Variants in LITAF observed in about 807,000 individuals in gnomAD.
The protein encoded by LITAF is lipopolysaccharide induced TNF factor.
Under a neutral mutation model 14.5 loss-of-function variants are expected in LITAF, and 9 were observed. That is an observed-to-expected ratio of 0.62 (90% confidence interval 0.37 to 1.08). The LOEUF (loss-of-function observed/expected upper bound fraction) is 1.08, where lower values mean the gene tolerates loss of function less well. LITAF is among the 50% of genes least tolerant of loss of function. The pLI is 0.01. For synonymous variants in LITAF, 98 were observed against 88.2 expected, an observed-to-expected ratio of 1.11 and a Z score of -0.62; for missense variants, 206 against 213.4, an observed-to-expected ratio of 0.97 and a Z score of 0.22.
intron 3 of LITAF, among the ~76,000 whole-genome samples, chr16:11,616,304 T>A (rs2065019381): frequency 6.6e-6 from 1 of 151,942 alleles, no homozygotes; most frequent in Admixed American, 6.6e-5. Context: ...CAAGACCCCA[T>A]CTCTAAAAAA....
chr16:11,594,378 A>C (rs2064868580), intron 1 of LITAF, among the ~76,000 whole-genome samples: 1 of 152,142 alleles, frequency 6.6e-6, no homozygotes, highest in African/African-American at 2.4e-5. Flanking sequence ...ATGGTTTTAT[A>C]GGACATCTGC....
In LITAF at chr16:11,547,735, A is replaced by G; in HGVS notation, c.*1902T>C. ...GAATGGGGACAGTTCTCTTTTGTGCATTTTATTAAAACTTGAAAGCTATGG... is the reference window on the plus strand; with the variant it reads ...GAATGGGGACAGTTCTCTTTTGTGCGTTTTATTAAAACTTGAAAGCTATGG... On this transcript the variant is annotated 3_prime_UTR_variant, in exon 4 of 4. Coordinates refer to ENST00000622633, the MANE Select transcript of LITAF (RefSeq NM_001136472.2). 2.2e-6 allele frequency: 1 copy of G among 451,066 alleles called. No individual in the cohort carries two copies. Among genetic ancestry groups the G allele is most frequent in the Non-Finnish European group, 4.4e-6 (1 of 224,862 alleles). 27.9% of individuals were successfully genotyped at this position (451,066 alleles called of 1,614,324 possible).
At chr16:11,584,856 C>T (rs1454273658) in intron 1 of LITAF, among the ~76,000 whole-genome samples, 2 of 152,108 alleles carry the variant, frequency 1.3e-5, no homozygotes, top group African/African-American at 2.4e-5. Flanking sequence ...ACGGAAGTAA[C>T]AAAGGGAAAT....
At chr16:11,570,143 G>A (rs1259705947) in intron 1 of LITAF, among the ~76,000 whole-genome samples, 1 of 151,692 alleles carries the variant, frequency 6.6e-6, no homozygotes, top group Non-Finnish European at 1.5e-5. Context: ...CACTTCTACG[G>A]TGTGCAAATG....
At chr16:11,581,904 A>C (rs1181601751) in intron 1 of LITAF, among the ~76,000 whole-genome samples, 1 of 152,140 alleles carries the variant, frequency 6.6e-6, no homozygotes, top group Non-Finnish European at 1.5e-5. Context: ...ACAGAAGTAG[A>C]GAAAAGAACT....
At chr16:11,624,833 C>G (rs1174717761) in intron 3 of LITAF, among the ~76,000 whole-genome samples, 1 of 152,096 alleles carries the variant, frequency 6.6e-6, no homozygotes, top group Non-Finnish European at 1.5e-5. Context: ...TTGCTTTGAC[C>G]AATAGAATAT....
At chr16:11,635,349 C>A (rs894142403) in intron 2 of LITAF, among the ~76,000 whole-genome samples, 2 of 152,240 alleles carry the variant, frequency 1.3e-5, no homozygotes, top group African/African-American at 4.8e-5. Context: ...AACCAGCCCT[C>A]CAGCCAGAGC....
chr16:11,552,301 T>C (rs975486274), intron 3 of LITAF, among the ~76,000 whole-genome samples: 18 of 152,166 alleles, frequency 1.2e-4, no homozygotes, highest in African/African-American at 4.3e-4. Context: ...AAAAAATTGA[T>C]TGTGTTTCCT....
intron 3 of LITAF, among the ~76,000 whole-genome samples, chr16:11,615,304 A>G (rs1597372124): frequency 6.6e-6 from 1 of 152,344 alleles, no homozygotes; most frequent in Middle Eastern, 3.4e-3. Flanking sequence ...TGGGAGGCTG[A>G]GGCAGGTGGA....
At chr16:11,584,679 G>A (rs2141838013) in intron 1 of LITAF, among the ~76,000 whole-genome samples, 1 of 152,182 alleles carries the variant, frequency 6.6e-6, no homozygotes, top group East Asian at 1.9e-4. Context: ...CTGTTCTCAA[G>A]CCCTTTCTGG....
chr16:11,555,973 A>G (rs1176041703), intron 2 of LITAF, among the ~76,000 whole-genome samples: 1 of 152,196 alleles, frequency 6.6e-6, no homozygotes, highest in Admixed American at 6.5e-5. Context: ...TTCTTTCAGA[A>G]CTACCTGTGA....
chr16:11,592,964 A>T (rs1373904817), intron 1 of LITAF, among the ~76,000 whole-genome samples: 1 of 152,034 alleles, frequency 6.6e-6, no homozygotes, highest in Admixed American at 6.6e-5. Context: ...AGGTCAGGAG[A>T]TCGAGACCAT....
At chr16:11,571,904 C>T (rs1045217207) in intron 1 of LITAF, among the ~76,000 whole-genome samples, 1 of 152,028 alleles carries the variant, frequency 6.6e-6, no homozygotes, top group Non-Finnish European at 1.5e-5. Context: ...CAAGACCAGC[C>T]TGAGCAAAAT....
upstream of LITAF, among the ~76,000 whole-genome samples, chr16:11,601,313 C>G (rs540125898): frequency 3.3e-5 from 5 of 151,978 alleles, no homozygotes; most frequent in African/African-American, 1.2e-4. Flanking sequence ...TTCCACTGGC[C>G]TCCCTCCTCC....
chr16:11,572,882 A>T (rs2064566573), intron 1 of LITAF, among the ~76,000 whole-genome samples: 1 of 151,428 alleles, frequency 6.6e-6, no homozygotes, highest in Admixed American at 6.6e-5. Context: ...GGTGACAGTA[A>T]ATGGGAGCTC....
chr16:11,639,252 G>A (rs2065154789), upstream of LITAF, among the ~76,000 whole-genome samples: 1 of 152,052 alleles, frequency 6.6e-6, no homozygotes, highest in African/African-American at 2.4e-5. Context: ...TAAATGGTTA[G>A]AGGGAGGAAT....
chr16:11,550,778 A>G (rs1177527161), intron 3 of LITAF, among the ~76,000 whole-genome samples: 1 of 151,748 alleles, frequency 6.6e-6, no homozygotes, highest in Admixed American at 6.6e-5. Context: ...TTACAGGTGG[A>G]AGCCACCACA....
At chr16:11,626,525 G>C (rs183391704) in intron 3 of LITAF, among the ~76,000 whole-genome samples, 217 of 152,234 alleles carry the variant, frequency 1.4e-3, no homozygotes, top group African/African-American at 5.1e-3. Flanking sequence ...TGTATTTGTA[G>C]AGACCAATTT....
intron 3 of LITAF, among the ~76,000 whole-genome samples, chr16:11,604,658 A>G (rs1441419486): frequency 6.6e-6 from 1 of 151,800 alleles, no homozygotes; most frequent in Admixed American, 6.6e-5. Flanking sequence ...AAAAAAAAAA[A>G]AAAAAAAAGA....
Sources: allele counts gnomAD v4.1 joint callset (sites outside exome capture counted in the v4.1 genomes callset), GRCh38; gene constraint gnomAD v4.1.1; transcripts MANE v1.5; gene names NCBI Gene and HGNC (gene_info 2026-07-23, HGNC 2026-07-21).